Variants in NLK observed in about 807,000 individuals in gnomAD.
The protein encoded by NLK is serine/threonine-protein kinase NLK.
NLK carries 11 observed loss-of-function variants against 59.0 expected under a neutral mutation model. That is an observed-to-expected ratio of 0.19 (90% CI 0.12 to 0.31). The LOEUF is 0.31. NLK is among the 10% of genes least tolerant of loss of function. The probability of loss-of-function intolerance (pLI) is 1.00; values close to 1 mark genes in which losing one functional copy is unlikely to be tolerated. For missense variants in NLK, 410 were observed against 661.1 expected (o/e 0.62, Z 4.16); for synonymous variants, 235 against 235.9 (o/e 1.00, Z 0.03).
intron 3 of NLK, among the ~76,000 whole-genome samples, chr17:28,143,242 C>T (rs1184203884): frequency 1.3e-5 from 2 of 151,972 alleles, no homozygotes; most frequent in African/African-American, 4.8e-5. Context: ...CAGGATTTCA[C>T]CATGTTGGCC....
At chr17:28,190,847 A>G (rs1023256419) in intron 8 of NLK, 174 bp from the exon 9 acceptor site, 2 of 514,958 alleles carry the variant, frequency 3.9e-6, no homozygotes, top group Non-Finnish European at 6.8e-6. Context: ...TAAATCATAC[A>G]CTCCCTCTGC....
intron 1 of NLK, among the ~76,000 whole-genome samples, chr17:28,121,559 G>A (rs984044052): frequency 8.5e-6 from 1 of 117,260 alleles, no homozygotes; most frequent in Non-Finnish European, 1.6e-5. Context: ...CTGGAGTGCA[G>A]TCAAGAAATC....
intron 1 of NLK, among the ~76,000 whole-genome samples, chr17:28,049,810 G>A (rs552252959): frequency 3.8e-4 from 58 of 152,090 alleles, no homozygotes; most frequent in Non-Finnish European, 6.5e-4. Context: ...GTGAAATCCC[G>A]TCTCTACTAA....
In NLK at chr17:28,098,768, C is replaced by T. The variant is rs141835390; in HGVS notation, c.459-23835C>T. 3.6e-4 allele frequency among the ~76,000 whole-genome samples: 54 copies of T among 150,792 alleles called. No homozygotes were observed. In the East Asian group the frequency reaches 9.4e-3, roughly 26 times the overall value. ...CGCCATCTCGGCTCACCACACCCTCCGCCTCCCGGGTTCAAGTGATTTTCC... is the reference window on the plus strand; with the variant it reads ...CGCCATCTCGGCTCACCACACCCTCTGCCTCCCGGGTTCAAGTGATTTTCC... On this transcript the variant is annotated intron_variant, in intron 1 of 10. Coordinates refer to ENST00000407008, the MANE Select transcript of NLK (RefSeq NM_016231.5).
chr17:28,184,486 T>G (rs1053822186), intron 7 of NLK, among the ~76,000 whole-genome samples: 1 of 152,246 alleles, frequency 6.6e-6, no homozygotes, highest in African/African-American at 2.4e-5. Flanking sequence ...ATTGGGGGTT[T>G]GGGGCTTTAT....
At chr17:28,135,132 T>C (rs1417711252) in intron 3 of NLK, among the ~76,000 whole-genome samples, 1 of 152,206 alleles carries the variant, frequency 6.6e-6, no homozygotes, top group African/African-American at 2.4e-5. Flanking sequence ...TAGTACTGTT[T>C]CTGTCTCTTT....
chr17:28,177,751 T>C (rs1908742287), intron 7 of NLK, among the ~76,000 whole-genome samples: 1 of 152,234 alleles, frequency 6.6e-6, no homozygotes, highest in Non-Finnish European at 1.5e-5. Flanking sequence ...TAGAAAATTA[T>C]AGTGGTTTAA....
chr17:28,056,829 A>G (rs1237293585), intron 1 of NLK, among the ~76,000 whole-genome samples: 1 of 151,376 alleles, frequency 6.6e-6, no homozygotes, highest in Non-Finnish European at 1.5e-5. Context: ...TCATTCCCCT[A>G]CCTATTTTTT....
chr17:28,106,255 TAC>T (rs1232302587), intron 1 of NLK, among the ~76,000 whole-genome samples: 1 of 152,238 alleles, frequency 6.6e-6, no homozygotes, highest in Admixed American at 6.5e-5. Context: ...AATTCTTTTA[TAC>T]AGTGTGCTTT....
At chr17:28,063,435 A>G (rs1410778859) in intron 1 of NLK, among the ~76,000 whole-genome samples, 1 of 152,040 alleles carries the variant, frequency 6.6e-6, no homozygotes, top group Non-Finnish European at 1.5e-5. Flanking sequence ...CACTTTTTTC[A>G]TCAGTCTATT....
At chr17:28,077,073 C>CTTTTTTTTTTTTTTTTT (rs35639099) in intron 1 of NLK, among the ~76,000 whole-genome samples, 2 of 42,488 alleles carry the variant, frequency 4.7e-5, no homozygotes, top group Non-Finnish European at 8.7e-5. Flanking sequence ...CTCTTTCTTT[C>CTTTTTTTTTTTTTTTTT]TTTTTTTTTT....
chr17:28,129,954 A>C (rs1906450350), intron 2 of NLK, among the ~76,000 whole-genome samples: 1 of 152,208 alleles, frequency 6.6e-6, no homozygotes. Flanking sequence ...GTGTTTCTTA[A>C]AAGATTTGTG....
intron 8 of NLK, 62 bp from the exon 9 acceptor site, chr17:28,190,959 A>T: frequency 8.4e-7 from 1 of 1,185,452 alleles, no homozygotes; most frequent in South Asian, 1.5e-5. Context: ...CTTTTGAAAG[A>T]TCCTATGTGG....
chr17:28,065,767 T>C (rs1909804015), intron 1 of NLK, among the ~76,000 whole-genome samples: 1 of 152,190 alleles, frequency 6.6e-6, no homozygotes. Flanking sequence ...TTACTAGATA[T>C]TTAGAAACTT....
intron 3 of NLK, among the ~76,000 whole-genome samples, chr17:28,158,104 A>T (rs1007767237): frequency 5.9e-5 from 9 of 152,166 alleles, no homozygotes; most frequent in Non-Finnish European, 1.3e-4. Context: ...TAGCAAATGG[A>T]TAGGGAGTAC....
chr17:28,083,567 A>G (rs1046826515), intron 1 of NLK, among the ~76,000 whole-genome samples: 5 of 152,342 alleles, frequency 3.3e-5, no homozygotes, highest in Middle Eastern at 3.4e-3. Context: ...CACAGCAGAT[A>G]GAGACATCCA....
chr17:28,198,743 G>A (rs1022030524), downstream of NLK, among the ~76,000 whole-genome samples: 1 of 152,102 alleles, frequency 6.6e-6, no homozygotes, highest in Admixed American at 6.6e-5. Context: ...TTAATGTGGT[G>A]CAATATACCT....
chr17:28,043,083 GGCAGCTGCGGCAGCCGCAGCA>G lies in NLK; in HGVS notation c.213_233del (p.Ala77_Ala83del), dbSNP rs1567697289. 3.8e-6 allele frequency: 6 copies of G among 1,572,660 alleles called. No individual in the cohort carries two copies. Among genetic ancestry groups the G allele is most frequent in the African/African-American group, 1.4e-5 (1 of 73,752 alleles). ...ACCCTGTACAGCAGCACACCTCTTC[GGCAGCTGCGGCAGCCGCAGCA>G]GCGGCTGCAGCTGCAGCCATGTTAA... On this transcript the variant is annotated inframe_deletion, in exon 1 of 11. Coordinates refer to ENST00000407008, the MANE Select transcript of NLK (RefSeq NM_016231.5).
chr17:28,175,273 G>A (rs1188107422), intron 7 of NLK, among the ~76,000 whole-genome samples: 4 of 150,712 alleles, frequency 2.7e-5, no homozygotes, highest in East Asian at 3.9e-4. Context: ...GTGAAACCCC[G>A]TCTCTACTAA....
Sources: gnomAD v4.1 joint callset for allele counts (sites outside exome capture counted in the v4.1 genomes callset) on GRCh38, gnomAD v4.1.1 for gene constraint, MANE v1.5 for transcripts, NCBI Gene and HGNC (gene_info 2026-07-23, HGNC 2026-07-21) for gene names.